LRRC9: variants seen among roughly 807,000 people sequenced by gnomAD.
LRRC9 encodes the protein leucine-rich repeat-containing protein 9.
In LRRC9, 122 loss-of-function variants were observed where a neutral mutation model predicts 63.2. That is an observed-to-expected ratio of 1.93 (90% confidence interval 1.67 to 2.24). The LOEUF (loss-of-function observed/expected upper bound fraction) is 2.24, where lower values mean the gene tolerates loss of function less well. Among genes scored for constraint, LRRC9 ranks in the 30% most tolerant of loss-of-function variants. LRRC9 has a pLI of 0.00. For synonymous variants in LRRC9, 366 were observed against 213.1 expected (o/e 1.72, Z -6.25); for missense variants, 1,071 against 627.7 (o/e 1.71, Z -7.55).
rs927431407 is a variant in LRRC9 at position 59,936,307 on chromosome 14, T to A, written c.544-2083T>A. On this transcript the variant is annotated intron_variant, in intron 6 of 31. Transcript: ENST00000445360. This position sits in a 1 kb window ranked among gnomAD's most constrained non-coding sequence, Gnocchi z 4.2. The stretch of plus-strand genomic sequence containing the variant: ...ACTATCATAAAAACATTGAACGTGA[T>A]TCACAGGAAGTTTTACTATCTTCAT... Among the ~76,000 whole-genome samples the A allele has an allele frequency of 6.6e-6, 1 of 152,174 alleles. No individual in the cohort carries two copies. The highest frequency in any genetic ancestry group is 2.4e-5 in the African/African-American group (1 of 41,444).
At chr14:60,050,612 G>A (rs532644118) in intron 29 of LRRC9, among the ~76,000 whole-genome samples, 1 of 152,216 alleles carries the variant, frequency 6.6e-6, no homozygotes, top group East Asian at 1.9e-4. Flanking sequence ...GCCCTTGCTG[G>A]TTATTTGGTG....
At chr14:59,921,295 A>C (rs533509880) in intron 1 of LRRC9, among the ~76,000 whole-genome samples, 3 of 152,154 alleles carry the variant, frequency 2.0e-5, no homozygotes, top group Non-Finnish European at 4.4e-5. Context: ...GGAAACCATT[A>C]ATACCTTCCA....
At chr14:59,934,266 G>C (rs1889946748) in intron 6 of LRRC9, among the ~76,000 whole-genome samples, 1 of 152,122 alleles carries the variant, frequency 6.6e-6, no homozygotes, top group Non-Finnish European at 1.5e-5. Flanking sequence ...AGTCCAAAAT[G>C]AATCCGTGAT....
At chr14:59,945,288 G>T (rs1882242189) in intron 8 of LRRC9, among the ~76,000 whole-genome samples, 1 of 151,850 alleles carries the variant, frequency 6.6e-6, no homozygotes, top group African/African-American at 2.4e-5. Flanking sequence ...CCCTGAAAAA[G>T]TAAGCATTAT....
At chr14:60,009,219 G>A (rs554171751) in intron 23 of LRRC9, among the ~76,000 whole-genome samples, 1 of 152,178 alleles carries the variant, frequency 6.6e-6, no homozygotes, top group African/African-American at 2.4e-5. Context: ...GACAATGAGT[G>A]TATTAGTCTG....
intron 27 of LRRC9, among the ~76,000 whole-genome samples, chr14:60,024,764 C>A (rs1244670531): frequency 6.6e-6 from 1 of 151,946 alleles, no homozygotes; most frequent in Non-Finnish European, 1.5e-5. Flanking sequence ...TGCTAGTGTA[C>A]CCATTGCCCA....
At position 59,990,053 on chromosome 14, in the gene LRRC9, G is replaced by A. The variant is rs146926869; in HGVS notation, c.2211+4829G>A. ...AGTAATTCTCCTGCCTTGGCCTCCCGACTAGATGGGATTACAGGTGCACAC... is the reference window on the plus strand; with the variant it reads ...AGTAATTCTCCTGCCTTGGCCTCCCAACTAGATGGGATTACAGGTGCACAC... On this transcript the variant is annotated intron_variant, in intron 17 of 31. Coordinates refer to ENST00000445360, the Ensembl canonical transcript of LRRC9. The surrounding 1 kb of genome is among the most constrained non-coding windows in gnomAD (Gnocchi z 4.2). Among the ~76,000 whole-genome samples, 185 of 151,006 alleles carry A rather than the reference G, an allele frequency of 1.2e-3. No homozygotes were observed. The highest frequency in any genetic ancestry group is 4.0e-3 in the African/African-American group (163 of 41,108).
Position 60,055,669 on chromosome 14 carries a change from G to A in LRRC9, c.4132-2209G>A, listed in dbSNP as rs557567509. Among the ~76,000 whole-genome samples the A allele has an allele frequency of 2.6e-5, 4 of 151,414 alleles. No individual in the cohort carries two copies. In the East Asian group the frequency reaches 7.8e-4, roughly 29 times the overall value. On this transcript the variant is annotated intron_variant, in intron 30 of 31. Coordinates refer to ENST00000445360, the Ensembl canonical transcript of LRRC9. ...GCACTCTGGGAAGCTGAGGCAGGTG[G>A]ATCACTTGAGCCCACGAGTTGGAGT...
rs1224823196 is a variant in LRRC9 at position 59,932,002 on chromosome 14, G to A, written c.506G>A (p.Arg169Lys). ...CTTGACTCCAATGAACAACTGGAAA[G>A]ATTAAACCTTTCTGGTAACCAAATA... Residue 169 changes from arginine to lysine, a missense_variant, in exon 6 of 32, where the codon AGA becomes AAA. Transcript: ENST00000445360. This position sits in a 1 kb window ranked among gnomAD's most constrained non-coding sequence, Gnocchi z 4.7. 2 of 700,204 alleles carry A rather than the reference G, an allele frequency of 2.9e-6. No homozygotes were observed. Among genetic ancestry groups the A allele is most frequent in the African/African-American group, 3.5e-5 (2 of 57,268 alleles). 43.4% of individuals were successfully genotyped at this position (700,204 alleles called of 1,614,324 possible).
At position 59,922,586 on chromosome 14, in the gene LRRC9, G is replaced by A. The variant is rs1426335133; in HGVS notation, c.-34+2703G>A. Among the ~76,000 whole-genome samples, 8 of 152,194 alleles carry A rather than the reference G, an allele frequency of 5.3e-5. No homozygotes were observed. The highest frequency in any genetic ancestry group is 1.2e-4 in the Non-Finnish European group (8 of 68,030). ...AGATAAGGATAGGATCAATACATAG[G>A]AAAAGGGATTTGTTTTGGACAAAAG... On this transcript the variant is annotated intron_variant, in intron 1 of 31. Transcript: ENST00000445360. This position sits in a 1 kb window ranked among gnomAD's most constrained non-coding sequence, Gnocchi z 5.3.
intron 15 of LRRC9, among the ~76,000 whole-genome samples, chr14:59,979,905 C>T (rs1301311288): frequency 2.0e-5 from 3 of 151,676 alleles, no homozygotes; most frequent in Non-Finnish European, 4.4e-5. Context: ...CAGCATGGCA[C>T]ATGTATACAT....
chr14:59,998,670 A>T (rs1889048825), intron 18 of LRRC9, among the ~76,000 whole-genome samples: 1 of 152,004 alleles, frequency 6.6e-6, no homozygotes, highest in Non-Finnish European at 1.5e-5. Flanking sequence ...AGTAAAAGTG[A>T]AGAATATTTT....
At chr14:59,971,255 T>C (rs1166527350) in intron 12 of LRRC9, among the ~76,000 whole-genome samples, 1 of 152,146 alleles carries the variant, frequency 6.6e-6, no homozygotes, top group East Asian at 1.9e-4. Flanking sequence ...GCAACCTTAT[T>C]TCCAGGCTCT....
rs77854050 is a variant in LRRC9 at position 60,041,817 on chromosome 14, A to T, written c.3990+9754A>T. 7.1e-3 allele frequency among the ~76,000 whole-genome samples: 1,079 copies of T among 152,318 alleles called. 57 individuals carry two copies. In the East Asian group the frequency reaches 0.15, roughly 21 times the overall value. Reference sequence around the variant, plus strand: ...AGGAGCTGCATTCCTTTGGAGGAGAAGAGGCACTCAGATTTTTAGAATTTT... The same window carrying T: ...AGGAGCTGCATTCCTTTGGAGGAGATGAGGCACTCAGATTTTTAGAATTTT... On this transcript the variant is annotated intron_variant, in intron 29 of 31. Transcript: ENST00000445360.
chr14:59,982,916 G>A (rs1047328165), intron 16 of LRRC9, among the ~76,000 whole-genome samples: 3 of 152,102 alleles, frequency 2.0e-5, no homozygotes, highest in Admixed American at 2.0e-4. Context: ...TTTTAAATAA[G>A]CTTCTAGAAT....
At chr14:60,061,196 AACT>A in intron 31 of LRRC9, among the ~76,000 whole-genome samples, 1 of 152,354 alleles carries the variant, frequency 6.6e-6, no homozygotes, top group Admixed American at 6.5e-5. Flanking sequence ...ATTTTGAAAG[AACT>A]ACTGTGGGGA....
chr14:59,935,504 C>A (rs1046862449), intron 6 of LRRC9, among the ~76,000 whole-genome samples: 1 of 152,076 alleles, frequency 6.6e-6, no homozygotes, highest in Non-Finnish European at 1.5e-5. Flanking sequence ...ATCCTTTGAC[C>A]TATCAATTCC....
intron 29 of LRRC9, among the ~76,000 whole-genome samples, chr14:60,035,088 T>C (rs1236628207): frequency 1.5e-5 from 2 of 135,388 alleles, no homozygotes; most frequent in Non-Finnish European, 3.2e-5. Context: ...TCTCTGATTA[T>C]TAGTGACTTT....
At chr14:59,949,636 G>A (rs1750654142) in intron 8 of LRRC9, among the ~76,000 whole-genome samples, 1 of 151,176 alleles carries the variant, frequency 6.6e-6, no homozygotes, top group Non-Finnish European at 1.5e-5. Context: ...TGGGCATTTA[G>A]TGCTATAAAT....
Sources: gnomAD v4.1 joint callset for allele counts (sites outside exome capture counted in the v4.1 genomes callset) on GRCh38, gnomAD v4.1.1 for gene constraint, Gnocchi (gnomAD v3.1) non-coding constraint, MANE v1.5 for transcripts, NCBI Gene and HGNC (gene_info 2026-07-23, HGNC 2026-07-21) for gene names.